Variants in PRR16 observed in about 807,000 individuals in gnomAD.
PRR16 encodes the protein proline rich 16.
A neutral mutation model predicts 18.2 loss-of-function variants in PRR16; 6 were observed. That is an observed-to-expected ratio of 0.33 (90% CI 0.18 to 0.65). PRR16 has a LOEUF of 0.65. Among genes scored for constraint, PRR16 ranks in the 30% least tolerant of loss-of-function variants. The pLI, the probability that PRR16 is intolerant of heterozygous loss-of-function variation, is 0.74. For synonymous variants in PRR16, 151 were observed against 147.8 expected (o/e 1.02, Z -0.16); for missense variants, 412 against 376.6 (o/e 1.09, Z -0.78).
At chr5:120,639,941 A>G (rs1173247529) in intron 1 of PRR16, among the ~76,000 whole-genome samples, 1 of 152,086 alleles carries the variant, frequency 6.6e-6, no homozygotes, top group East Asian at 1.9e-4. Flanking sequence ...CCTATACACC[A>G]TGGAATACTA....
At chr5:120,539,111 C>G (rs1314473804) in intron 1 of PRR16, among the ~76,000 whole-genome samples, 3 of 152,064 alleles carry the variant, frequency 2.0e-5, no homozygotes, top group Non-Finnish European at 4.4e-5. Flanking sequence ...TGACAGGCAA[C>G]TTTGACGCCA....
chr5:120,700,346 G>T, the PRR16 span, among the ~76,000 whole-genome samples: 16 of 152,096 alleles, frequency 1.1e-4, no homozygotes, highest in Non-Finnish European at 1.9e-4. Context: ...GGCCTTGAGT[G>T]GGGTAAGGGT....
intron 1 of PRR16, among the ~76,000 whole-genome samples, chr5:120,532,396 A>G (rs566574988): frequency 6.6e-6 from 1 of 152,226 alleles, no homozygotes; most frequent in South Asian, 2.1e-4. Flanking sequence ...AGCTTTTATC[A>G]AGGACTAGTA....
chr5:120,700,323 G>A, the PRR16 span, among the ~76,000 whole-genome samples: 5 of 152,178 alleles, frequency 3.3e-5, no homozygotes, highest in South Asian at 2.1e-4. Context: ...AGCGTGCTGC[G>A]GGATGGGATA....
chr5:120,705,808 C>G, the PRR16 span, among the ~76,000 whole-genome samples: 1 of 151,964 alleles, frequency 6.6e-6, no homozygotes, highest in African/African-American at 2.4e-5. Flanking sequence ...TCAATATTGT[C>G]AGTTAATAAA....
the PRR16 span, among the ~76,000 whole-genome samples, chr5:120,792,266 C>T: frequency 6.6e-6 from 1 of 152,172 alleles, no homozygotes; most frequent in Non-Finnish European, 1.5e-5. Flanking sequence ...GCCTGCTCTT[C>T]AGCAGGATAA....
At chr5:120,579,093 G>T (rs1318818038) in intron 1 of PRR16, among the ~76,000 whole-genome samples, 1 of 151,816 alleles carries the variant, frequency 6.6e-6, no homozygotes, top group African/African-American at 2.4e-5. Flanking sequence ...CTTTTTGATG[G>T]GGTGTTTATT....
the PRR16 span, chr5:120,710,729 C>T: frequency 2.0e-5 from 3 of 152,182 alleles, no homozygotes; most frequent in East Asian, 3.9e-4. Context: ...TTGCCAAAGT[C>T]GAATATCAGA....
intron 1 of PRR16, among the ~76,000 whole-genome samples, chr5:120,657,602 C>T (rs1580842475): frequency 6.6e-6 from 1 of 151,896 alleles, no homozygotes; most frequent in Admixed American, 6.6e-5. Context: ...CCCATTCAGT[C>T]CCACAAGATG....
chr5:120,490,403 C>T (rs370567968), intron 1 of PRR16, among the ~76,000 whole-genome samples: 18 of 152,250 alleles, frequency 1.2e-4, no homozygotes, highest in East Asian at 3.9e-4. Context: ...TCATTCTTTT[C>T]GTCTTCCATC....
At chr5:120,559,464 C>G (rs1168514651) in intron 1 of PRR16, among the ~76,000 whole-genome samples, 5 of 151,618 alleles carry the variant, frequency 3.3e-5, no homozygotes, top group Non-Finnish European at 7.4e-5. Context: ...TGAGTTCACT[C>G]TGGATGTGTG....
the PRR16 span, among the ~76,000 whole-genome samples, chr5:120,705,097 C>T: frequency 3.0e-4 from 46 of 151,628 alleles, 1 homozygote; most frequent in Non-Finnish European, 4.6e-4. Flanking sequence ...AAGGAGAGTA[C>T]ATTTCAACAA....
chr5:120,766,366 A>AAAACACATCTATT, the PRR16 span, among the ~76,000 whole-genome samples: 1 of 152,000 alleles, frequency 6.6e-6, no homozygotes, highest in Non-Finnish European at 1.5e-5. Context: ...AAGCATTAAG[A>AAAACACATCTATT]AAACACATCT....
chr5:120,575,102 C>A (rs1323449167), intron 1 of PRR16, among the ~76,000 whole-genome samples: 1 of 151,686 alleles, frequency 6.6e-6, no homozygotes, highest in African/African-American at 2.4e-5. Context: ...ATACCTTATA[C>A]ATTAATCTTT....
intron 1 of PRR16, among the ~76,000 whole-genome samples, chr5:120,608,187 C>T (rs181309553): frequency 3.9e-4 from 59 of 152,288 alleles, no homozygotes; most frequent in Non-Finnish European, 7.5e-4. Context: ...GAAATGAAAT[C>T]CAGAGGTTTC....
At chr5:120,693,530 C>T in the PRR16 span, among the ~76,000 whole-genome samples, 1 of 152,216 alleles carries the variant, frequency 6.6e-6, no homozygotes, top group Non-Finnish European at 1.5e-5. Flanking sequence ...CTGCAGTCTT[C>T]AGAGTTACTG....
chr5:120,667,979 G>C (rs1756454060), intron 1 of PRR16, among the ~76,000 whole-genome samples: 1 of 152,072 alleles, frequency 6.6e-6, no homozygotes, highest in African/African-American at 2.4e-5. Flanking sequence ...TCTGCTTGGT[G>C]CAGAGCTGAG....
chr5:120,554,772 A>G (rs1752358801), intron 1 of PRR16, among the ~76,000 whole-genome samples: 1 of 151,986 alleles, frequency 6.6e-6, no homozygotes, highest in African/African-American at 2.4e-5. Context: ...AATAATCTGA[A>G]GCATTGCAAG....
intron 1 of PRR16, among the ~76,000 whole-genome samples, chr5:120,619,033 G>T (rs77066136): frequency 0.032 from 4,883 of 152,182 alleles, 277 homozygotes; most frequent in African/African-American, 0.11. Context: ...TCTATAAACA[G>T]ACAGTATCCT....
Sources: allele counts gnomAD v4.1 joint callset (sites outside exome capture counted in the v4.1 genomes callset), GRCh38; gene constraint gnomAD v4.1.1; transcripts MANE v1.5; gene names NCBI Gene and HGNC (gene_info 2026-07-23, HGNC 2026-07-21).